RTF1: variants seen among roughly 807,000 people sequenced by gnomAD.
RTF1 encodes RNA polymerase-associated protein RTF1 homolog.
Under a neutral mutation model 95.7 loss-of-function variants are expected in RTF1, and 10 were observed. The ratio of observed to expected loss-of-function variants is 0.10; its 90% CI spans 0.06 to 0.18. The LOEUF (loss-of-function observed/expected upper bound fraction) is 0.18, where lower values mean the gene tolerates loss of function less well. RTF1 is among the 10% of genes least tolerant of loss of function. RTF1 has a pLI of 1.00. For missense variants in RTF1, 458 were observed against 875.6 expected (o/e 0.52, Z 6.02); for synonymous variants, 305 against 311.8 (o/e 0.98, Z 0.23).
intron 12 of RTF1, among the ~76,000 whole-genome samples, chr15:41,476,949 G>A (rs1426651695): frequency 6.6e-6 from 1 of 152,238 alleles, no homozygotes; most frequent in African/African-American, 2.4e-5. Flanking sequence ...CCACAGCCAG[G>A]TAGCTGTATG....
chr15:41,427,855 C>G (rs1205572959), intron 1 of RTF1, among the ~76,000 whole-genome samples: 1 of 152,078 alleles, frequency 6.6e-6, no homozygotes, highest in East Asian at 1.9e-4. Context: ...GGGGCAATCT[C>G]AGCTCACTGC....
intron 1 of RTF1, among the ~76,000 whole-genome samples, chr15:41,428,102 T>A (rs974076501): frequency 6.6e-6 from 1 of 151,416 alleles, no homozygotes; most frequent in African/African-American, 2.4e-5. Context: ...CTTTTTTTTT[T>A]AATTTTATTT....
At chr15:41,437,657 A>G (rs1273124712) in intron 1 of RTF1, among the ~76,000 whole-genome samples, 1 of 152,194 alleles carries the variant, frequency 6.6e-6, no homozygotes, top group Non-Finnish European at 1.5e-5. Flanking sequence ...ACCATGTGAC[A>G]GAGCAAATCT....
chr15:41,437,230 T>C (rs180956473), intron 1 of RTF1, among the ~76,000 whole-genome samples: 6 of 151,928 alleles, frequency 3.9e-5, no homozygotes, highest in African/African-American at 1.4e-4. Context: ...GTGTGGGGGC[T>C]CACATCTGTA....
intron 10 of RTF1, 40 bp downstream of exon 10, chr15:41,475,652 T>C (rs1302677904): frequency 1.2e-6 from 2 of 1,603,744 alleles, no homozygotes; most frequent in Non-Finnish European, 8.5e-7. Flanking sequence ...TTCGTGCACG[T>C]TGAGAAAATA....
At chr15:41,478,505 G>C (rs200265150) in intron 14 of RTF1, 43 bp from the exon 15 acceptor site, 2 of 1,471,844 alleles carry the variant, frequency 1.4e-6, no homozygotes, top group Non-Finnish European at 1.9e-6. Flanking sequence ...AATGAGAGGA[G>C]GGGCTGGAGG....
chr15:41,452,838 C>T, intron 2 of RTF1, 63 bp from the exon 3 acceptor site: 5 of 1,255,694 alleles, frequency 4.0e-6, no homozygotes, highest in Non-Finnish European at 5.3e-6. Flanking sequence ...CTTGAGTCTT[C>T]CAGCTTTTCC....
intron 2 of RTF1, among the ~76,000 whole-genome samples, chr15:41,443,802 T>C (rs2140954214): frequency 6.6e-6 from 1 of 152,132 alleles, no homozygotes; most frequent in Non-Finnish European, 1.5e-5. Flanking sequence ...GTGCAGTGGC[T>C]CACGCCTGTA....
At chr15:41,417,929 C>CA (rs1163063321) in intron 1 of RTF1, among the ~76,000 whole-genome samples, 2 of 151,696 alleles carry the variant, frequency 1.3e-5, no homozygotes, top group South Asian at 2.1e-4. Context: ...GTGTCAGACC[C>CA]AAAAAAACAC....
chr15:41,468,478 C>T (rs538408328), intron 6 of RTF1, among the ~76,000 whole-genome samples: 1 of 152,106 alleles, frequency 6.6e-6, no homozygotes, highest in Non-Finnish European at 1.5e-5. Flanking sequence ...CCACCACGCC[C>T]AGCTAATTTT....
In RTF1 at chr15:41,480,726, T is replaced by A; in HGVS notation, c.*39T>A. On this transcript the variant is annotated 3_prime_UTR_variant, in exon 18 of 18. Transcript: ENST00000389629. ...GCTGCTTCTGACCCTGCATGCCCCA[T>A]CGCAGCGTCCCACCTTTCCTCCTTT... The A allele has an allele frequency of 1.4e-6, 2 of 1,395,612 alleles. No homozygotes were observed. The highest frequency in any genetic ancestry group is 2.0e-6 in the Non-Finnish European group (2 of 981,168). The allele number at this position is 1,395,612 out of a possible 1,614,324, so 86.5% of individuals were successfully genotyped here. A position where few individuals can be genotyped will look rare whatever the true frequency, so the allele number is the denominator to read the frequency against.
At chr15:41,425,280 T>C (rs1232138187) in intron 1 of RTF1, among the ~76,000 whole-genome samples, 1 of 151,970 alleles carries the variant, frequency 6.6e-6, no homozygotes, top group East Asian at 1.9e-4. Context: ...TTTTTTTTTG[T>C]ATTTTTAGTA....
At chr15:41,450,848 G>A (rs994859828) in intron 2 of RTF1, among the ~76,000 whole-genome samples, 13 of 152,092 alleles carry the variant, frequency 8.5e-5, no homozygotes, top group African/African-American at 3.1e-4. Flanking sequence ...CTACTCAGGA[G>A]GCTGAGGTAG....
intron 1 of RTF1, among the ~76,000 whole-genome samples, chr15:41,418,784 C>CAAAAAAAAAAAAAAA (rs753790136): frequency 1.9e-5 from 1 of 52,778 alleles, no homozygotes; most frequent in Non-Finnish European, 4.3e-5. Flanking sequence ...AACTCCATCA[C>CAAAAAAAAAAAAAAA]AAAAAAAAAA....
chr15:41,436,623 C>CA (rs1217444789), intron 1 of RTF1, among the ~76,000 whole-genome samples: 754 of 50,526 alleles, frequency 0.015, 4 homozygotes, highest in Middle Eastern at 0.042. Flanking sequence ...GACTCTGTCT[C>CA]AAAAAAAAAA....
intron 4 of RTF1, among the ~76,000 whole-genome samples, chr15:41,458,161 T>G (rs2050828651): frequency 6.6e-6 from 1 of 152,222 alleles, no homozygotes; most frequent in African/African-American, 2.4e-5. Context: ...TGAAGTTGGT[T>G]ATACCATATT....
intron 12 of RTF1, among the ~76,000 whole-genome samples, chr15:41,476,787 G>A (rs2050943775): frequency 1.3e-5 from 2 of 152,214 alleles, no homozygotes; most frequent in Non-Finnish European, 2.9e-5. Context: ...AGACCCTGGG[G>A]TGGTATTTAA....
chr15:41,474,871 G>T (rs1047572479), intron 9 of RTF1, among the ~76,000 whole-genome samples, 169 bp downstream of exon 9: 3 of 152,146 alleles, frequency 2.0e-5, no homozygotes, highest in Admixed American at 1.3e-4. Context: ...CTATAGGGAA[G>T]GTAGGATATT....
chr15:41,459,078 TA>T (rs2050833518), intron 4 of RTF1, among the ~76,000 whole-genome samples: 2 of 141,282 alleles, frequency 1.4e-5, no homozygotes, highest in African/African-American at 5.3e-5. Context: ...TCTCAAAAAA[TA>T]AAAAATAAAG....
Sources: allele counts gnomAD v4.1 joint callset (sites outside exome capture counted in the v4.1 genomes callset), GRCh38; gene constraint gnomAD v4.1.1; transcripts MANE v1.5; gene names NCBI Gene and HGNC (gene_info 2026-07-23, HGNC 2026-07-21).